Variants in ZFYVE1 observed in about 807,000 individuals in gnomAD.
The protein encoded by ZFYVE1 is zinc finger FYVE domain-containing protein 1.
Under a neutral mutation model 74.4 loss-of-function variants are expected in ZFYVE1, and 30 were observed. The observed-to-expected ratio is 0.40, with a 90% CI of 0.30 to 0.55. The LOEUF (loss-of-function observed/expected upper bound fraction) is 0.55, where lower values mean the gene tolerates loss of function less well. Among genes scored for constraint, ZFYVE1 ranks in the 20% least tolerant of loss-of-function variants. The pLI, the probability that ZFYVE1 is intolerant of heterozygous loss-of-function variation, is 0.42. For missense variants in ZFYVE1, 703 were observed against 1,011.6 expected, an observed-to-expected ratio of 0.69 and a Z score of 4.14; for synonymous variants, 335 against 385.1, an observed-to-expected ratio of 0.87 and a Z score of 1.52.
intron 2 of ZFYVE1, among the ~76,000 whole-genome samples, chr14:73,004,923 T>C (rs1567358713): frequency 1.4e-5 from 2 of 146,612 alleles, no homozygotes; most frequent in African/African-American, 2.6e-5. Flanking sequence ...TGCTTGAGCC[T>C]GGGGAGAGTT....
At chr14:72,988,106 C>T (rs1428336024) in intron 4 of ZFYVE1, among the ~76,000 whole-genome samples, 1 of 152,058 alleles carries the variant, frequency 6.6e-6, no homozygotes, top group African/African-American at 2.4e-5. Context: ...AGTACTTTGA[C>T]TTCCTTTGAA....
At chr14:73,003,708 TG>T (rs562786606) in intron 2 of ZFYVE1, among the ~76,000 whole-genome samples, 5 of 148,658 alleles carry the variant, frequency 3.4e-5, no homozygotes, top group Non-Finnish European at 4.5e-5. Context: ...AGACTCTAAC[TG>T]GAAAAAAAAA....
chr14:72,998,641 A>G (rs1330423570), intron 2 of ZFYVE1, among the ~76,000 whole-genome samples: 1 of 152,184 alleles, frequency 6.6e-6, no homozygotes, highest in Non-Finnish European at 1.5e-5. Flanking sequence ...GTGACTTTGG[A>G]TTAGTCTATA....
At chr14:72,979,087 G>T in intron 5 of ZFYVE1, 118 bp from the exon 6 acceptor site, 1 of 833,182 alleles carries the variant, frequency 1.2e-6, no homozygotes. Flanking sequence ...TACTAACTGG[G>T]CCTCAGATGC....
chr14:72,985,516 G>C (rs576826405), intron 4 of ZFYVE1, among the ~76,000 whole-genome samples: 2 of 150,776 alleles, frequency 1.3e-5, no homozygotes, highest in South Asian at 4.2e-4. Context: ...TTTTTTAGTA[G>C]AGACAGGGTT....
intron 2 of ZFYVE1, among the ~76,000 whole-genome samples, chr14:73,012,967 C>T (rs962305784): frequency 1.3e-5 from 2 of 152,124 alleles, no homozygotes; most frequent in Non-Finnish European, 2.9e-5. Context: ...TCTTTGAATT[C>T]TGGATTGCTC....
intron 2 of ZFYVE1, among the ~76,000 whole-genome samples, chr14:73,001,438 T>TTTC (rs1350150597): frequency 6.6e-6 from 1 of 152,136 alleles, no homozygotes; most frequent in African/African-American, 2.4e-5. Context: ...TACCGTCACA[T>TTTC]TTCTCTTATT....
intron 1 of ZFYVE1, among the ~76,000 whole-genome samples, chr14:73,025,599 G>A (rs1894442276): frequency 6.6e-6 from 1 of 151,230 alleles, no homozygotes; most frequent in Non-Finnish European, 1.5e-5. Context: ...GGGAGGCTGA[G>A]GCAGGAGAAT....
rs182723427 is a variant in ZFYVE1 at position 72,996,741 on chromosome 14, A to G, written c.988+1070T>C. Among the ~76,000 whole-genome samples, 19 of 152,290 alleles carry G rather than the reference A, an allele frequency of 1.2e-4. No homozygotes were observed. In the East Asian group the frequency reaches 2.5e-3, roughly 20 times the overall value. ...TGGACTCCCACAGCACCGTACCTGTAAGTACGGAGGTATGCACAGAACACC... is the reference window on the plus strand; with the variant it reads ...TGGACTCCCACAGCACCGTACCTGTGAGTACGGAGGTATGCACAGAACACC... On this transcript the variant is annotated intron_variant, in intron 3 of 11. Transcript: ENST00000556143.
At chr14:73,003,960 C>T (rs1175174001) in intron 2 of ZFYVE1, among the ~76,000 whole-genome samples, 2 of 152,120 alleles carry the variant, frequency 1.3e-5, no homozygotes, top group African/African-American at 4.8e-5. Context: ...AGTGAATAAA[C>T]GCCAGGCACC....
chr14:73,010,810 A>C (rs567147715), intron 2 of ZFYVE1, among the ~76,000 whole-genome samples: 40 of 151,238 alleles, frequency 2.6e-4, no homozygotes, highest in Admixed American at 5.9e-4. Context: ...CAAAACAAAA[A>C]AAAAAATTAT....
rs924556247 is a variant in ZFYVE1 at position 72,969,844 on chromosome 14, T to C, written c.*1038A>G. ...TCTTTACGATCTGTTGAAATATTTA[T>C]ATAGACTTTTAAAAACAACTAACAG... On this transcript the variant is annotated 3_prime_UTR_variant, in exon 12 of 12. Coordinates refer to ENST00000556143, the MANE Select transcript of ZFYVE1 (RefSeq NM_021260.4). The C allele has an allele frequency of 1.5e-6, 1 of 657,094 alleles. No individual in the cohort carries two copies. The allele number at this position is 657,094 out of a possible 1,614,324, so 40.7% of individuals were successfully genotyped here.
intron 2 of ZFYVE1, among the ~76,000 whole-genome samples, chr14:73,006,736 GAC>G (rs1439146129): frequency 3.5e-5 from 3 of 85,794 alleles, no homozygotes; most frequent in Non-Finnish European, 6.7e-5. Flanking sequence ...TTTTTTTTGA[GAC>G]AGAGTCTAAC....
rs766879212 is a variant in ZFYVE1, at chr14:72,971,068, G to A, written c.2148C>T (p.His716=). The A allele has an allele frequency of 3.8e-5, 61 of 1,614,014 alleles. No homozygotes were observed. In the South Asian group the frequency reaches 5.6e-4, roughly 15 times the overall value. ...AARPAYWVPD[H]EILHCHNCRK... ...GGCAGTTGTGGCAGTGGAGGATTTCGTGGTCAGGCACCCAGTACGCAGGCC... is the reference window on the plus strand; with the variant it reads ...GGCAGTTGTGGCAGTGGAGGATTTCATGGTCAGGCACCCAGTACGCAGGCC... Residue 716 remains histidine (H), a synonymous_variant, in exon 12 of 12, where the codon CAC becomes CAT. Transcript: ENST00000556143.
At chr14:72,971,523 T>G (rs1893035158) in intron 11 of ZFYVE1, among the ~76,000 whole-genome samples, 1 of 152,126 alleles carries the variant, frequency 6.6e-6, no homozygotes, top group Non-Finnish European at 1.5e-5. Flanking sequence ...AGACAGGGTT[T>G]CACCATGTTG....
At chr14:72,993,101 T>A (rs1352286462) in intron 4 of ZFYVE1, 42 bp downstream of exon 4, 1 of 1,527,736 alleles carries the variant, frequency 6.5e-7, no homozygotes, top group Admixed American at 2.0e-5. Flanking sequence ...CACCACCCAC[T>A]GGCACCCCAA....
chr14:72,993,790 G>A (rs894867796), intron 3 of ZFYVE1, among the ~76,000 whole-genome samples: 20 of 152,104 alleles, frequency 1.3e-4, no homozygotes, highest in Admixed American at 9.2e-4. Context: ...ATGGGAGGCC[G>A]AGGCAGGTGG....
intron 2 of ZFYVE1, among the ~76,000 whole-genome samples, chr14:73,015,404 G>GAGGGGAAGGAA (rs1810398897): frequency 3.0e-3 from 1 of 332 alleles, no homozygotes; most frequent in Non-Finnish European, 6.8e-3. Flanking sequence ...GGGGAAGGAA[G>GAGGGGAAGGAA]GGGGGGGAAG....
intron 8 of ZFYVE1, among the ~76,000 whole-genome samples, chr14:72,976,371 C>A (rs111852123): frequency 6.6e-6 from 1 of 152,074 alleles, no homozygotes; most frequent in Admixed American, 6.6e-5. Flanking sequence ...TATAAGGCCA[C>A]GTTAAATCCT....
Sources: gnomAD v4.1 joint callset for allele counts (sites outside exome capture counted in the v4.1 genomes callset) on GRCh38, gnomAD v4.1.1 for gene constraint, MANE v1.5 for transcripts, NCBI Gene and HGNC (gene_info 2026-07-23, HGNC 2026-07-21) for gene names.